CERS6: variants seen among roughly 807,000 people sequenced by gnomAD.
CERS6 encodes LAG1 homolog, ceramide synthase 6.
A neutral mutation model predicts 56.8 loss-of-function variants in CERS6; 26 were observed. The ratio of observed to expected loss-of-function variants is 0.46; its 90% confidence interval spans 0.34 to 0.63. The LOEUF (loss-of-function observed/expected upper bound fraction) is 0.63. CERS6 is among the 30% of genes least tolerant of loss of function. The pLI, the probability that CERS6 is intolerant of heterozygous loss-of-function variation, is 0.01. For missense variants in CERS6, 415 were observed against 467.5 expected (o/e 0.89, Z 1.04); for synonymous variants, 164 against 173.3 (o/e 0.95, Z 0.42).
intron 3 of CERS6, among the ~76,000 whole-genome samples, chr2:168,581,947 C>T (rs1449672570): frequency 3.9e-5 from 6 of 152,172 alleles, no homozygotes; most frequent in Non-Finnish European, 1.5e-5. Context: ...CCCAGGATCA[C>T]CCCAGACCAA....
chr2:168,571,968 T>TA (rs1383305783), intron 3 of CERS6, among the ~76,000 whole-genome samples: 7 of 152,210 alleles, frequency 4.6e-5, no homozygotes, highest in Non-Finnish European at 1.0e-4. Context: ...GGAGGCTGTT[T>TA]ACTGCTGTTA....
At chr2:168,511,607 A>C (rs907097139) in intron 1 of CERS6, among the ~76,000 whole-genome samples, 5 of 152,284 alleles carry the variant, frequency 3.3e-5, no homozygotes, top group Middle Eastern at 3.4e-3. Flanking sequence ...GCTTTGGGCT[A>C]TATTCTGGTG....
intron 3 of CERS6, among the ~76,000 whole-genome samples, chr2:168,609,985 T>TTG (rs1250336530): frequency 6.9e-6 from 1 of 145,500 alleles, no homozygotes; most frequent in Non-Finnish European, 1.5e-5. Flanking sequence ...TTTTTTTTTT[T>TTG]TTTTTTTTTT....
At chr2:168,563,356 A>C (rs1695826610) in intron 3 of CERS6, among the ~76,000 whole-genome samples, 1 of 152,232 alleles carries the variant, frequency 6.6e-6, no homozygotes, top group Non-Finnish European at 1.5e-5. Context: ...AATGATTGCT[A>C]GTGGTATGGC....
intron 8 of CERS6, among the ~76,000 whole-genome samples, chr2:168,753,935 A>G (rs1203740666): frequency 1.3e-5 from 2 of 152,132 alleles, no homozygotes; most frequent in Admixed American, 6.5e-5. Flanking sequence ...CGCCCACGCC[A>G]TGCCCAACTG....
intron 3 of CERS6, among the ~76,000 whole-genome samples, chr2:168,608,050 C>G (rs2105270108): frequency 6.6e-6 from 1 of 152,324 alleles, no homozygotes; most frequent in African/African-American, 2.4e-5. Flanking sequence ...CTTTCACTCC[C>G]TTGTACTCCC....
At chr2:168,673,409 CA>C (rs979219838) in intron 4 of CERS6, among the ~76,000 whole-genome samples, 1 of 151,472 alleles carries the variant, frequency 6.6e-6, no homozygotes, top group African/African-American at 2.4e-5. Context: ...GGGTTATTAC[CA>C]AAAAAAAGGA....
intron 6 of CERS6, among the ~76,000 whole-genome samples, chr2:168,706,440 A>G (rs1686943390): frequency 6.6e-6 from 1 of 152,236 alleles, no homozygotes; most frequent in African/African-American, 2.4e-5. Flanking sequence ...AACTCTGCTT[A>G]TACAATGGTT....
chr2:168,475,985 G>A (rs1289460775), intron 1 of CERS6, among the ~76,000 whole-genome samples: 1 of 152,174 alleles, frequency 6.6e-6, no homozygotes, highest in Admixed American at 6.5e-5. Context: ...GTTGGAAAAG[G>A]TTCAAATATA....
intron 3 of CERS6, among the ~76,000 whole-genome samples, chr2:168,620,056 C>CATAT (rs1222109858): frequency 1.6e-5 from 2 of 128,196 alleles, no homozygotes; most frequent in East Asian, 2.8e-4. Flanking sequence ...CACACACACA[C>CATAT]ACACACATAT....
At chr2:168,476,936 A>G (rs1694082399) in intron 1 of CERS6, among the ~76,000 whole-genome samples, 2 of 152,154 alleles carry the variant, frequency 1.3e-5, no homozygotes, top group Admixed American at 6.5e-5. Flanking sequence ...GTATGCCTTA[A>G]TCCAGTGAAG....
intron 1 of CERS6, among the ~76,000 whole-genome samples, chr2:168,541,209 C>T (rs1695362614): frequency 6.6e-6 from 1 of 152,164 alleles, no homozygotes. Flanking sequence ...GAGGGATCTG[C>T]CTCCATGACC....
At chr2:168,617,072 A>G (rs572497071) in intron 3 of CERS6, among the ~76,000 whole-genome samples, 203 of 152,336 alleles carry the variant, frequency 1.3e-3, no homozygotes, top group African/African-American at 3.8e-3. Context: ...AATCAACTCC[A>G]AAAGGAACCT....
intron 3 of CERS6, among the ~76,000 whole-genome samples, chr2:168,568,976 A>T (rs1466491402): frequency 6.6e-6 from 1 of 152,266 alleles, no homozygotes; most frequent in Non-Finnish European, 1.5e-5. Context: ...TAAGAAATAC[A>T]TAGCTACTAC....
chr2:168,533,295 C>T (rs1016498751), intron 1 of CERS6, among the ~76,000 whole-genome samples: 1 of 152,010 alleles, frequency 6.6e-6, no homozygotes, highest in Non-Finnish European at 1.5e-5. Flanking sequence ...GGGAGGAGTC[C>T]CTCTTTTTCT....
chr2:168,743,103 C>T (rs1041833240), intron 8 of CERS6, among the ~76,000 whole-genome samples: 1 of 151,852 alleles, frequency 6.6e-6, no homozygotes. Flanking sequence ...CCCTAACACT[C>T]CCAGTTAAAG....
At position 168,655,524 on chromosome 2, in the gene CERS6, A is replaced by G. The variant is rs1042828386; in HGVS notation, c.465+24482A>G. On this transcript the variant is annotated intron_variant, in intron 4 of 9. Coordinates refer to ENST00000305747, the MANE Select transcript of CERS6 (RefSeq NM_203463.3). ...ATAAAGAAATGTGTATGTACACACA[A>G]TGGAATATTATTCAGCCTTAAAAAG... Among the ~76,000 whole-genome samples the G allele has an allele frequency of 2.6e-5, 4 of 152,254 alleles. No individual in the cohort carries two copies. The East Asian group carries it at 5.8e-4, about 22-fold the overall frequency.
chr2:168,653,432 C>CT (rs559809528), intron 4 of CERS6, among the ~76,000 whole-genome samples: 36 of 152,240 alleles, frequency 2.4e-4, no homozygotes, highest in Admixed American at 7.2e-4. Flanking sequence ...ACCTAGAATT[C>CT]TTTTTTTCCT....
chr2:168,563,483 C>T (rs1261497709), intron 3 of CERS6, among the ~76,000 whole-genome samples: 1 of 152,110 alleles, frequency 6.6e-6, no homozygotes, highest in African/African-American at 2.4e-5. Context: ...ATGTGTAGGT[C>T]AAAGATAGAT....
Sources: allele counts gnomAD v4.1 joint callset (sites outside exome capture counted in the v4.1 genomes callset), GRCh38; gene constraint gnomAD v4.1.1; transcripts MANE v1.5; gene names NCBI Gene and HGNC (gene_info 2026-07-23, HGNC 2026-07-21).